Variants in UBIAD1 observed in about 807,000 individuals in gnomAD.
The protein encoded by UBIAD1 is UbiA prenyltransferase domain containing 1.
Under a neutral mutation model 20.1 loss-of-function variants are expected in UBIAD1, and 12 were observed. The ratio of observed to expected loss-of-function variants is 0.60; its 90% CI spans 0.38 to 0.97. The LOEUF (loss-of-function observed/expected upper bound fraction) is 0.97, where lower values mean the gene tolerates loss of function less well. Ranked by LOEUF, UBIAD1 falls within the 50% of genes least tolerant of loss-of-function variation. The pLI is 0.00. For synonymous variants in UBIAD1, 207 were observed against 189.2 expected, an observed-to-expected ratio of 1.09 and a Z score of -0.77; for missense variants, 333 against 419.5, an observed-to-expected ratio of 0.79 and a Z score of 1.80.
In UBIAD1 at chr1:11,287,474, T is replaced by C. The variant is rs1301310034; in HGVS notation, c.*1343T>C. On this transcript the variant is annotated 3_prime_UTR_variant, in exon 2 of 2. Coordinates refer to ENST00000376810, the MANE Select transcript of UBIAD1 (RefSeq NM_013319.3). The stretch of plus-strand genomic sequence containing the variant: ...CTATAGATTGGAAATGGGTCATCAT[T>C]GTTTTCTGTTGTGATTATAGCCATT... 1 of 152,218 alleles carries C rather than the reference T, an allele frequency of 6.6e-6. No individual in the cohort carries two copies. Among genetic ancestry groups the C allele is most frequent in the African/African-American group, 2.4e-5 (1 of 41,450 alleles). The allele number at this position is 152,218 out of a possible 1,614,324, so 9.4% of individuals were successfully genotyped here. A position where few individuals can be genotyped will look rare whatever the true frequency, so the allele number is the denominator to read the frequency against.
rs781412445 is a variant in UBIAD1, at chr1:11,275,721, C to T, written c.529+1661C>T. ...TCACACCACTGCACTCCAGCCTGGGCGACAGAGTGAGACCATGCCTCAGAA... is the reference window on the plus strand; with the variant it reads ...TCACACCACTGCACTCCAGCCTGGGTGACAGAGTGAGACCATGCCTCAGAA... On this transcript the variant is annotated intron_variant, in intron 1 of 1. Coordinates refer to ENST00000376810, the MANE Select transcript of UBIAD1 (RefSeq NM_013319.3). Among the ~76,000 whole-genome samples, 12 of 152,088 alleles carry T rather than the reference C, an allele frequency of 7.9e-5. 1 individual carries two copies. In the South Asian group the frequency reaches 1.5e-3, roughly 18 times the overall value.
chr1:11,274,169 C>A, intron 1 of UBIAD1, 109 bp downstream of exon 1: 1 of 1,345,434 alleles, frequency 7.4e-7, no homozygotes, highest in Non-Finnish European at 1.0e-6. Flanking sequence ...TAATTTAAGC[C>A]GCTTTAATTG....
downstream of UBIAD1, chr1:11,292,186 G>A (rs1366052722): frequency 6.6e-6 from 1 of 152,068 alleles, no homozygotes; most frequent in Admixed American, 6.6e-5. Flanking sequence ...TGTGTTTTTA[G>A]TATAGATGGG....
intron 1 of UBIAD1, chr1:11,278,796 T>C: frequency 2.0e-6 from 1 of 491,890 alleles, no homozygotes; most frequent in Admixed American, 3.8e-5. Context: ...ATATTAATTC[T>C]TGTTACAAAT....
At position 11,286,270 on chromosome 1, in the gene UBIAD1, G is replaced by T; in HGVS notation, c.*139G>T. 1 of 1,149,454 alleles carries T rather than the reference G, an allele frequency of 8.7e-7. No homozygotes were observed. The highest frequency in any genetic ancestry group is 1.2e-6 in the Non-Finnish European group (1 of 806,654). 71.2% of individuals were successfully genotyped at this position (1,149,454 alleles called of 1,614,324 possible). A position where few individuals can be genotyped will look rare whatever the true frequency, so the allele number is the denominator to read the frequency against. ...CTCCTGCCTTATAAAAATTGTTTTT[G>T]TGTTCTTAAAGATAATATGTTGTTT... On this transcript the variant is annotated 3_prime_UTR_variant, in exon 2 of 2. Coordinates refer to ENST00000376810, the MANE Select transcript of UBIAD1 (RefSeq NM_013319.3).
chr1:11,278,575 G>A (rs1271609727), intron 1 of UBIAD1: 2 of 1,242,366 alleles, frequency 1.6e-6, no homozygotes, highest in Non-Finnish European at 2.1e-6. Context: ...CGAGTAGAAG[G>A]TTGTTGATAT....
Position 11,273,677 on chromosome 1 carries a change from A to G in UBIAD1, c.146A>G (p.Tyr49Cys). Reference sequence around the variant, plus strand: ...TCCTGGAGGCAGAAGTGTGCCTCCTACGTGTTGGCCCTGAGGCCCTGGAGC... The same window carrying G: ...TCCTGGAGGCAGAAGTGTGCCTCCTGCGTGTTGGCCCTGAGGCCCTGGAGC... ...QRSWRQKCAS[Y>C]VLALRPWSFS... Residue 49 changes from tyrosine (Y) to cysteine (C), a missense_variant, in exon 1 of 2, where the codon TAC becomes TGC. Tyr to Cys is a radical substitution (Grantham distance 194). Transcript: ENST00000376810. The surrounding 1 kb of genome is among the most constrained non-coding windows in gnomAD (Gnocchi z 4.9). The G allele has an allele frequency of 6.2e-7, 1 of 1,614,158 alleles. No homozygotes were observed. The highest frequency in any genetic ancestry group is 8.5e-7 in the Non-Finnish European group (1 of 1,180,028).
chr1:11,281,185 C>A (rs1652229670), intron 1 of UBIAD1, among the ~76,000 whole-genome samples: 1 of 152,132 alleles, frequency 6.6e-6, no homozygotes. Context: ...CTTCCTTCAC[C>A]TATTTGCCCA....
chr1:11,275,899 G>A (rs1402509744), intron 1 of UBIAD1, among the ~76,000 whole-genome samples: 1 of 152,170 alleles, frequency 6.6e-6, no homozygotes, highest in East Asian at 1.9e-4. Context: ...AGAGCAGCAA[G>A]AAGTCCAGTG....
rs113528124 is a variant in UBIAD1, at chr1:11,280,989, G to A, written c.530-4655G>A. 4.1e-3 allele frequency among the ~76,000 whole-genome samples: 617 copies of A among 151,662 alleles called. 6 individuals are homozygous for A. The highest frequency in any genetic ancestry group is 0.014 in the African/African-American group (562 of 41,344). On this transcript the variant is annotated intron_variant, in intron 1 of 1. Transcript: ENST00000376810. ...GCCCTACATTCTTTGCCCACCTTTT[G>A]CCCTCCCCCCAGTTCTCTGACCCAC...
At chr1:11,277,632 A>T (rs953570795) in intron 1 of UBIAD1, among the ~76,000 whole-genome samples, 7 of 151,902 alleles carry the variant, frequency 4.6e-5, no homozygotes, top group Non-Finnish European at 1.0e-4. Context: ...AGCAAGATGG[A>T]TAAAGCATGC....
At chr1:11,277,716 C>T (rs1011061842) in intron 1 of UBIAD1, among the ~76,000 whole-genome samples, 6 of 152,178 alleles carry the variant, frequency 3.9e-5, no homozygotes, top group African/African-American at 1.2e-4. Context: ...GGCACGATCT[C>T]GGCTCACCAC....
At chr1:11,278,631 C>T (rs1652139230) in intron 1 of UBIAD1, 5 of 1,457,354 alleles carry the variant, frequency 3.4e-6, no homozygotes, top group Admixed American at 2.5e-5. Context: ...TATGTTTGTC[C>T]TTCCAGTGGC....
chr1:11,274,065 G>A lies in UBIAD1; in HGVS notation c.529+5G>A. The A allele has an allele frequency of 1.9e-6, 3 of 1,614,096 alleles. No individual in the cohort carries two copies. Among genetic ancestry groups the A allele is most frequent in the Non-Finnish European group, 2.5e-6 (3 of 1,180,026 alleles). On this transcript the variant is annotated splice_donor_5th_base_variant and intron_variant, in intron 1 of 1. Coordinates refer to ENST00000376810, the MANE Select transcript of UBIAD1 (RefSeq NM_013319.3). ...GCTCCTTTCTCTACACAGGAGGTAA[G>A]ATTTGGCCTGTCCTGTGTGCTGCAG...
chr1:11,290,999 G>A (rs1481535765), downstream of UBIAD1, among the ~76,000 whole-genome samples: 1 of 152,042 alleles, frequency 6.6e-6, no homozygotes, highest in Admixed American at 6.6e-5. Flanking sequence ...CAACACCTGA[G>A]CCTTTGACCT....
downstream of UBIAD1, among the ~76,000 whole-genome samples, chr1:11,297,020 A>G (rs796694628): frequency 3.3e-5 from 5 of 152,348 alleles, no homozygotes; most frequent in African/African-American, 1.2e-4. Flanking sequence ...AAAACTAAAC[A>G]TAGAAAATGA....
In UBIAD1 at chr1:11,294,872, G is replaced by T; in HGVS notation, c.530-1G>T. The T allele has an allele frequency of 1.4e-6, 1 of 717,338 alleles. No homozygotes were observed. Among genetic ancestry groups the T allele is most frequent in the East Asian group, 2.7e-5 (1 of 37,304 alleles). The allele number at this position is 717,338 out of a possible 1,614,324, so 44.4% of individuals were successfully genotyped here. A position where few individuals can be genotyped will look rare whatever the true frequency, so the allele number is the denominator to read the frequency against. On this transcript the variant is annotated splice_acceptor_variant, in intron 1 of 1. Transcript: ENST00000376804. LOFTEE classifies it high-confidence loss of function. ...GTCCTCATTCGTCTCGTCTCTTCCA[G>T]TCCTCATCTAGCCACTGAAGCAGAG...
At position 11,286,497 on chromosome 1, in the gene UBIAD1, C is replaced by T. The variant is rs911089265; in HGVS notation, c.*366C>T. On this transcript the variant is annotated 3_prime_UTR_variant, in exon 2 of 2. Coordinates refer to ENST00000376810, the MANE Select transcript of UBIAD1 (RefSeq NM_013319.3). ...TTTGTAAAGGAGCTGCCCAGTTTGG[C>T]CTCCTGTCCCGAAAAGACCCTAATA... 1.2e-5 allele frequency: 4 copies of T among 335,634 alleles called. No individual in the cohort carries two copies. The highest frequency in any genetic ancestry group is 2.2e-5 in the African/African-American group (1 of 46,414). 20.8% of individuals were successfully genotyped at this position (335,634 alleles called of 1,614,324 possible). A position where few individuals can be genotyped will look rare whatever the true frequency, so the allele number is the denominator to read the frequency against.
chr1:11,299,379 G>A (rs777775717), downstream of UBIAD1, among the ~76,000 whole-genome samples: 3 of 152,272 alleles, frequency 2.0e-5, 1 homozygote, highest in African/African-American at 7.2e-5. Context: ...TGACTTGCTC[G>A]GGATCACAAC....
Sources: allele counts gnomAD v4.1 joint callset (sites outside exome capture counted in the v4.1 genomes callset), GRCh38; gene constraint gnomAD v4.1.1; non-coding constraint Gnocchi (gnomAD v3.1); transcripts MANE v1.5; gene names NCBI Gene and HGNC (gene_info 2026-07-23, HGNC 2026-07-21).